CTNND2: variants seen among roughly 807,000 people sequenced by gnomAD.
CTNND2 encodes catenin delta-2.
A neutral mutation model predicts 144.4 loss-of-function variants in CTNND2; 22 were observed. That is an observed-to-expected ratio of 0.15 (90% confidence interval 0.11 to 0.22). CTNND2 has a LOEUF of 0.22. Among genes scored for constraint, CTNND2 ranks in the 10% least tolerant of loss-of-function variants. CTNND2 has a pLI of 1.00. For missense variants in CTNND2, 1,353 were observed against 1,618.8 expected (o/e 0.84, Z 2.82); for synonymous variants, 751 against 695.6 (o/e 1.08, Z -1.25).
At chr5:11,129,596 C>A (rs898849581) in intron 12 of CTNND2, among the ~76,000 whole-genome samples, 2 of 151,708 alleles carry the variant, frequency 1.3e-5, no homozygotes, top group Non-Finnish European at 2.9e-5. Context: ...TTGGTCCAGA[C>A]TGCTCTTTTG....
intron 6 of CTNND2, among the ~76,000 whole-genome samples, chr5:11,390,763 A>C (rs1759560309): frequency 6.6e-6 from 1 of 152,222 alleles, no homozygotes; most frequent in Non-Finnish European, 1.5e-5. Flanking sequence ...AGTCCAGCTT[A>C]ACGGGATCAG....
At chr5:11,884,269 G>A (rs530015511) in intron 1 of CTNND2, among the ~76,000 whole-genome samples, 1 of 152,200 alleles carries the variant, frequency 6.6e-6, no homozygotes, top group East Asian at 1.9e-4. Flanking sequence ...TCTCCTCAAT[G>A]GTATTGCCTA....
chr5:11,130,513 CAG>C (rs1377109436), intron 12 of CTNND2, among the ~76,000 whole-genome samples: 1 of 152,160 alleles, frequency 6.6e-6, no homozygotes, highest in Non-Finnish European at 1.5e-5. Context: ...ATGGTCGCCA[CAG>C]AGTTAACTGC....
rs180827624 is a variant in CTNND2 at position 11,262,790 on chromosome 5, A to C, written c.1629-25967T>G. ...AAAAAAAAAAAAAAAAAAAAAAAAG[A>C]AAGAAAGAAAGAAACGAAATTTGTT... On this transcript the variant is annotated intron_variant, in intron 9 of 21. Transcript: ENST00000304623. Among the ~76,000 whole-genome samples, 442 of 136,214 alleles carry C rather than the reference A, an allele frequency of 3.2e-3. 3 individuals carry two copies. The highest frequency in any genetic ancestry group is 0.012 in the African/African-American group (427 of 36,642). 89.4% of individuals were successfully genotyped at this position (136,214 alleles called of 152,430 possible).
intron 3 of CTNND2, among the ~76,000 whole-genome samples, chr5:11,541,592 A>G (rs1774738113): frequency 6.6e-6 from 1 of 152,190 alleles, no homozygotes; most frequent in South Asian, 2.1e-4. Context: ...AATGACGAAC[A>G]CACTTGAACT....
chr5:11,532,501 C>T (rs1337576664), intron 3 of CTNND2, among the ~76,000 whole-genome samples: 1 of 152,096 alleles, frequency 6.6e-6, no homozygotes, highest in Non-Finnish European at 1.5e-5. Context: ...ACCAAAAGGC[C>T]ATTAAAGACC....
At chr5:11,581,005 T>C (rs1174966069) in intron 2 of CTNND2, among the ~76,000 whole-genome samples, 1 of 152,224 alleles carries the variant, frequency 6.6e-6, no homozygotes, top group Admixed American at 6.5e-5. Context: ...CAACAGTTTA[T>C]ATATGATTTC....
At chr5:11,291,738 G>T (rs1748372615) in intron 9 of CTNND2, among the ~76,000 whole-genome samples, 1 of 152,030 alleles carries the variant, frequency 6.6e-6, no homozygotes, top group South Asian at 2.1e-4. Context: ...AATCTCCCCA[G>T]TACCTGATAA....
chr5:11,322,652 A>G (rs960691806), intron 9 of CTNND2, among the ~76,000 whole-genome samples: 14 of 152,170 alleles, frequency 9.2e-5, no homozygotes, highest in African/African-American at 3.4e-4. Flanking sequence ...TCATTTTGAC[A>G]GCTATAGGAT....
rs115165250 is a variant in CTNND2 at position 11,859,283 on chromosome 5, G to A, written c.37+44534C>T. ...TTATGTGTTATGCTTAACACATGGT[G>A]CCTTGTTTCATAATTTGCACTATCA... On this transcript the variant is annotated intron_variant, in intron 1 of 21. Coordinates refer to ENST00000304623, the MANE Select transcript of CTNND2 (RefSeq NM_001332.4). 5.3e-3 allele frequency among the ~76,000 whole-genome samples: 803 copies of A among 152,292 alleles called. 7 individuals carry two copies. Among genetic ancestry groups the A allele is most frequent in the African/African-American group, 0.018 (764 of 41,546 alleles).
intron 1 of CTNND2, among the ~76,000 whole-genome samples, chr5:11,796,051 T>C (rs1581898214): frequency 6.6e-6 from 1 of 152,200 alleles, no homozygotes; most frequent in Non-Finnish European, 1.5e-5. Context: ...CAATGGCAGG[T>C]TGAGTCCTCT....
intron 2 of CTNND2, among the ~76,000 whole-genome samples, chr5:11,566,946 C>T (rs1328180196): frequency 6.6e-6 from 1 of 152,096 alleles, no homozygotes; most frequent in African/African-American, 2.4e-5. Context: ...GAAAGAACAA[C>T]CTTAGAGTTG....
At chr5:11,387,252 A>AAG (rs1759187064) in intron 6 of CTNND2, among the ~76,000 whole-genome samples, 1 of 151,154 alleles carries the variant, frequency 6.6e-6, no homozygotes, top group South Asian at 2.1e-4. Flanking sequence ...AAAAAAAAAA[A>AAG]AATTCTAGAG....
At chr5:11,842,591 C>T (rs1036588662) in intron 1 of CTNND2, among the ~76,000 whole-genome samples, 6 of 151,718 alleles carry the variant, frequency 4.0e-5, no homozygotes, top group East Asian at 1.9e-4. Flanking sequence ...CGGTGGCGGG[C>T]GCCTGTAGTC....
chr5:11,433,361 G>A lies in CTNND2; in HGVS notation c.288-21292C>T, dbSNP rs902146933. Among the ~76,000 whole-genome samples, 7 of 148,102 alleles carry A rather than the reference G, an allele frequency of 4.7e-5. No individual in the cohort carries two copies. The South Asian group carries it at 1.3e-3, about 27-fold the overall frequency. ...AAAATGAGATGCTGATGCACCTGAT[G>A]CACATCCACTTGAATGACTATTTTT... is the stretch of plus-strand genomic sequence containing the variant. On this transcript the variant is annotated intron_variant, in intron 3 of 21. Coordinates refer to ENST00000304623, the MANE Select transcript of CTNND2 (RefSeq NM_001332.4).
At chr5:11,118,685 T>G (rs748038146) in intron 12 of CTNND2, among the ~76,000 whole-genome samples, 3 of 152,190 alleles carry the variant, frequency 2.0e-5, no homozygotes, top group Non-Finnish European at 2.9e-5. Context: ...ATGAGGCAGA[T>G]CCCAAGGATC....
intron 3 of CTNND2, among the ~76,000 whole-genome samples, chr5:11,538,322 CT>C (rs1310191121): frequency 2.0e-5 from 3 of 152,166 alleles, no homozygotes; most frequent in Non-Finnish European, 4.4e-5. Context: ...ATACCAACCT[CT>C]GCTTGTTGTG....
intron 2 of CTNND2, among the ~76,000 whole-genome samples, chr5:11,727,012 G>T (rs1787061522): frequency 1.3e-5 from 2 of 152,258 alleles, no homozygotes; most frequent in South Asian, 4.1e-4. Context: ...GAGAGACAGA[G>T]ATGATCTATC....
At chr5:11,139,984 C>G (rs1756562459) in intron 12 of CTNND2, among the ~76,000 whole-genome samples, 1 of 152,164 alleles carries the variant, frequency 6.6e-6, no homozygotes, top group African/African-American at 2.4e-5. Context: ...ACTCTTCTGC[C>G]TCCCTCTTTC....
Sources: allele counts gnomAD v4.1 joint callset (sites outside exome capture counted in the v4.1 genomes callset), GRCh38; gene constraint gnomAD v4.1.1; transcripts MANE v1.5; gene names NCBI Gene and HGNC (gene_info 2026-07-23, HGNC 2026-07-21).